ZNF517: variants seen among roughly 807,000 people sequenced by gnomAD.
ZNF517 encodes zinc finger protein 517.
Under a neutral mutation model 12.1 loss-of-function variants are expected in ZNF517, and 12 were observed. The ratio of observed to expected loss-of-function variants is 0.99; its 90% CI spans 0.63 to 1.61. ZNF517 has a LOEUF of 1.61. Ranked by LOEUF, ZNF517 falls within the 40% of genes most tolerant of loss-of-function variation. The pLI, the probability that ZNF517 is intolerant of heterozygous loss-of-function variation, is 0.00. For missense variants in ZNF517, 781 were observed against 693.2 expected (o/e 1.13, Z -1.42); for synonymous variants, 388 against 310.2 (o/e 1.25, Z -2.63).
At position 144,807,558 on chromosome 8, in the gene ZNF517, C is replaced by A; in HGVS notation, c.642C>A (p.Phe214Leu). 1 of 1,600,046 alleles carries A rather than the reference C, an allele frequency of 6.2e-7. No individual in the cohort carries two copies. Among genetic ancestry groups the A allele is most frequent in the South Asian group, 1.1e-5 (1 of 89,214 alleles). The change falls in exon 5 of 5, where the codon TTC becomes TTA. Residue 214 changes from phenylalanine to leucine, a missense_variant. Phe to Leu is a conservative substitution (Grantham distance 22). Coordinates refer to ENST00000359971, the MANE Select transcript of ZNF517 (RefSeq NM_213605.3). ...PFQCTECGKA[F>L]KQSSILLRHQ... ...AGTGCACAGAGTGCGGGAAGGCCTT[C>A]AAGCAAAGCTCCATCCTGCTGCGGC...
chr8:144,801,639 G>A lies in ZNF517; in HGVS notation c.-45-1231G>A, dbSNP rs767513407. On this transcript the variant is annotated intron_variant, in intron 1 of 4. Transcript: ENST00000359971. Reference sequence around the variant, plus strand: ...ACTACAGGTGCCTGCCACCATGCCCGGCTAATTTTTTGTATTTTTAGTGGA... The same window carrying A: ...ACTACAGGTGCCTGCCACCATGCCCAGCTAATTTTTTGTATTTTTAGTGGA... 8.5e-5 allele frequency among the ~76,000 whole-genome samples: 13 copies of A among 152,246 alleles called. 1 individual carries two copies. The highest frequency in any genetic ancestry group is 2.1e-4 in the South Asian group (1 of 4,816).
Position 144,808,497 on chromosome 8 carries a change from G to A in ZNF517, c.*102G>A, listed in dbSNP as rs1020240196. ...CCCCCTGTCCTGAAGGTGAAGCAAA[G>A]TCTAAAGAAAGGGCCAGCTCCCATC... On this transcript the variant is annotated 3_prime_UTR_variant, in exon 5 of 5. Transcript: ENST00000359971. The A allele has an allele frequency of 2.2e-6, 3 of 1,374,302 alleles. No homozygotes were observed. Among genetic ancestry groups the A allele is most frequent in the Non-Finnish European group, 2.8e-6 (3 of 1,064,634 alleles). The allele number at this position is 1,374,302 out of a possible 1,614,324, so 85.1% of individuals were successfully genotyped here. A position where few individuals can be genotyped will look rare whatever the true frequency, so the allele number is the denominator to read the frequency against.
At position 144,808,443 on chromosome 8, in the gene ZNF517, C is replaced by T. The variant is rs1827409048; in HGVS notation, c.*48C>T. 1.4e-6 allele frequency: 2 copies of T among 1,433,538 alleles called. No homozygotes were observed. Among genetic ancestry groups the T allele is most frequent in the South Asian group, 3.1e-5 (2 of 64,082 alleles). 88.8% of individuals were successfully genotyped at this position (1,433,538 alleles called of 1,614,324 possible). On this transcript the variant is annotated 3_prime_UTR_variant, in exon 5 of 5. Transcript: ENST00000359971. ...ATTCACGCTGGAAGCCCACCCAAGC[C>T]GGCGGGGCCCTAGCGCAGAAATTCA...
downstream of ZNF517, among the ~76,000 whole-genome samples, chr8:144,811,614 C>T (rs1413930479): frequency 7.7e-5 from 10 of 129,154 alleles, no homozygotes; most frequent in Admixed American, 3.9e-4. Context: ...GACAGTAAAG[C>T]TCAGCCAGGT....
intron 1 of ZNF517, among the ~76,000 whole-genome samples, chr8:144,801,284 G>A (rs184087053): frequency 1.3e-5 from 2 of 152,216 alleles, no homozygotes; most frequent in East Asian, 3.9e-4. Flanking sequence ...GGAAGAGTGA[G>A]GAGAACAGGG....
chr8:144,808,695 G>C lies in ZNF517; in HGVS notation c.*300G>C, dbSNP rs909930226. On this transcript the variant is annotated 3_prime_UTR_variant, in exon 5 of 5. Transcript: ENST00000359971. ...GGCAGCTATGCTCAGTCCCCAAAGA[G>C]CAGGGCACAGGGGGCGCCACAGACG... is the stretch of plus-strand genomic sequence containing the variant. The C allele has an allele frequency of 1.7e-4, 50 of 298,846 alleles. 3 individuals carry two copies. The allele number at this position is 298,846 out of a possible 1,614,324, so 18.5% of individuals were successfully genotyped here. A position where few individuals can be genotyped will look rare whatever the true frequency, so the allele number is the denominator to read the frequency against.
At position 144,808,703 on chromosome 8, in the gene ZNF517, CAG is replaced by C. The variant is rs1454394216; in HGVS notation, c.*309_*310del. 2 of 277,374 alleles carry C rather than the reference CAG, an allele frequency of 7.2e-6. No individual in the cohort carries two copies. Among genetic ancestry groups the C allele is most frequent in the African/African-American group, 2.2e-5 (1 of 45,486 alleles). The allele number at this position is 277,374 out of a possible 1,614,324, so 17.2% of individuals were successfully genotyped here. ...TGCTCAGTCCCCAAAGAGCAGGGCA[CAG>C]GGGGCGCCACAGACGCATATGCAGC... is the stretch of plus-strand genomic sequence containing the variant. On this transcript the variant is annotated 3_prime_UTR_variant, in exon 5 of 5. Transcript: ENST00000359971.
At position 144,808,016 on chromosome 8, in the gene ZNF517, C is replaced by A; in HGVS notation, c.1100C>A (p.Pro367His). The A allele has an allele frequency of 6.3e-7, 1 of 1,583,848 alleles. No homozygotes were observed. Among genetic ancestry groups the A allele is most frequent in the Non-Finnish European group, 8.6e-7 (1 of 1,165,232 alleles). Residue 367 changes from proline to histidine, a missense_variant, in exon 5 of 5, where the codon CCC becomes CAC. Pro to His is a moderately conservative substitution (Grantham distance 77, BLOSUM62 -2). Transcript: ENST00000359971. The part of the protein sequence containing the change: ...AAQRPQAGDP[P>H]HECPVCGRPF... Reference sequence around the variant, plus strand: ...CAGAGGCCCCAGGCGGGGGACCCGCCCCACGAGTGCCCGGTGTGCGGGAGG... The same window carrying A: ...CAGAGGCCCCAGGCGGGGGACCCGCACCACGAGTGCCCGGTGTGCGGGAGG...
At position 144,807,317 on chromosome 8, in the gene ZNF517, C is replaced by A. The variant is rs771499471; in HGVS notation, c.401C>A (p.Pro134Gln). 6.4e-7 allele frequency: 1 copy of A among 1,552,850 alleles called. No homozygotes were observed. ...WGHPVGGHPA[P>Q]PHPHGGPEDG... ...CACCCTGTGGGGGGGCACCCTGCAC[C>A]ACCCCACCCGCATGGCGGTCCTGAG... The change falls in exon 5 of 5, where the codon CCA becomes CAA. Residue 134 changes from proline to glutamine, a missense_variant. Physicochemically the swap from Pro to Gln is moderately conservative, Grantham distance 76. Coordinates refer to ENST00000359971, the MANE Select transcript of ZNF517 (RefSeq NM_213605.3).
At chr8:144,800,497 T>TA in intron 1 of ZNF517, 1 of 985,202 alleles carries the variant, frequency 1.0e-6, no homozygotes, top group East Asian at 1.1e-4. Flanking sequence ...TGGAGGGTGG[T>TA]ATGTGTTGAG....
At position 144,808,166 on chromosome 8, in the gene ZNF517, T is replaced by A; in HGVS notation, c.1250T>A (p.Ile417Asn). The A allele has an allele frequency of 6.2e-7, 1 of 1,611,208 alleles. No homozygotes were observed. Among genetic ancestry groups the A allele is most frequent in the Non-Finnish European group, 8.5e-7 (1 of 1,178,964 alleles). ...RKSNLTLHQK[I>N]HTKEKPFACT... The stretch of plus-strand genomic sequence containing the variant: ...TCCAACCTCACTCTGCACCAGAAGA[T>A]CCACACCAAGGAGAAGCCCTTCGCG... The change falls in exon 5 of 5, where the codon ATC becomes AAC. Residue 417 changes from isoleucine (I) to asparagine (N), a missense_variant. Coordinates refer to ENST00000359971, the MANE Select transcript of ZNF517 (RefSeq NM_213605.3).
intron 1 of ZNF517, among the ~76,000 whole-genome samples, chr8:144,800,977 G>A (rs570633351): frequency 1.3e-5 from 2 of 152,014 alleles, no homozygotes; most frequent in African/African-American, 2.4e-5. Flanking sequence ...TTACAGGTGC[G>A]TACCAGCACA....
At chr8:144,799,037 C>T (rs903415995) in intron 1 of ZNF517, 100 bp downstream of exon 1, 3 of 152,180 alleles carry the variant, frequency 2.0e-5, no homozygotes, top group Non-Finnish European at 4.4e-5. Context: ...GCGCGGAGCT[C>T]GGCAGGGAGC....
chr8:144,811,304 C>T (rs1443742793), downstream of ZNF517: 3 of 152,522 alleles, frequency 2.0e-5, no homozygotes, highest in African/African-American at 4.8e-5. Context: ...GTTTCTGTCT[C>T]TTTTTGTTCC....
chr8:144,803,014 C>T (rs1372185768), intron 2 of ZNF517, 67 bp downstream of exon 2: 5 of 1,599,566 alleles, frequency 3.1e-6, no homozygotes, highest in Non-Finnish European at 4.3e-6. Context: ...AGCTTTTCAG[C>T]CCTGAGAACC....
At position 144,807,989 on chromosome 8, in the gene ZNF517, CGCAGAGGCCCCAGGCGG is replaced by C. The variant is rs1827356243; in HGVS notation, c.1075_1091del (p.Gln359GlyfsTer159). ...GGGCAGGGCGCCCTGCTCGGAGCTGCGCAGAGGCCCCAGGCGGGGGACCCGCCCCACGAGTGCCCGGT... is the reference window on the plus strand; with the variant it reads ...GGGCAGGGCGCCCTGCTCGGAGCTGCGGGACCCGCCCCACGAGTGCCCGGT... On this transcript the variant is annotated frameshift_variant, in exon 5 of 5. Transcript: ENST00000359971. LOFTEE classifies it low-confidence loss of function (END_TRUNC). 2 of 1,544,096 alleles carry C rather than the reference CGCAGAGGCCCCAGGCGG, an allele frequency of 1.3e-6. 1 individual carries two copies. Among genetic ancestry groups the C allele is most frequent in the Admixed American group, 3.9e-5 (2 of 51,252 alleles).
In ZNF517 at chr8:144,807,950, A is replaced by G; in HGVS notation, c.1034A>G (p.Gln345Arg). 1 of 1,506,332 alleles carries G rather than the reference A, an allele frequency of 6.6e-7. No homozygotes were observed. Among genetic ancestry groups the G allele is most frequent in the Non-Finnish European group, 8.8e-7 (1 of 1,130,508 alleles). 93.3% of individuals were successfully genotyped at this position (1,506,332 alleles called of 1,614,324 possible). Residue 345 changes from glutamine to arginine, a missense_variant, in exon 5 of 5, where the codon CAG (glutamine) becomes CGG (arginine). Physicochemically the swap from Gln to Arg is conservative, Grantham distance 43. Coordinates refer to ENST00000359971, the MANE Select transcript of ZNF517 (RefSeq NM_213605.3). ...CGGCTGCACGCGCAGGAGGGTGCCC[A>G]GGACGGCGGCGTGGGGCAGGGCGCC... is the stretch of plus-strand genomic sequence containing the variant. ...HHRLHAQEGA[Q>R]DGGVGQGALL...
In ZNF517 at chr8:144,807,936, G is replaced by T. The variant is rs1405230889; in HGVS notation, c.1020G>T (p.Ala340=). The change falls in exon 5 of 5, where the codon GCG becomes GCT. Residue 340 remains alanine (A), a synonymous_variant. Transcript: ENST00000359971. ...TCCTGAAGCACCACCGGCTGCACGC[G>T]CAGGAGGGTGCCCAGGACGGCGGCG... ...SSLLKHHRLH[A]QEGAQDGGVG... is the part of the protein sequence containing the mutation. 31 of 1,507,960 alleles carry T rather than the reference G, an allele frequency of 2.1e-5. 1 individual carries two copies. Among genetic ancestry groups the T allele is most frequent in the Non-Finnish European group, 2.7e-5 (31 of 1,131,988 alleles). The allele number at this position is 1,507,960 out of a possible 1,614,324, so 93.4% of individuals were successfully genotyped here. A position where few individuals can be genotyped will look rare whatever the true frequency, so the allele number is the denominator to read the frequency against.
Position 144,804,133 on chromosome 8 carries a change from G to C in ZNF517, c.169G>C (p.Val57Leu), listed in dbSNP as rs765378865. Reference protein sequence around the residue: ...YGNLASLGFLVAKPALISLLE... With the variant: ...YGNLASLGFLLAKPALISLLE... ...TCCTTCTCTGAGCTTAGGCTTTCTTGTTGCCAAACCAGCACTGATCTCCCT... is the reference window on the plus strand; with the variant it reads ...TCCTTCTCTGAGCTTAGGCTTTCTTCTTGCCAAACCAGCACTGATCTCCCT... The change falls in exon 4 of 5, where the codon GTT becomes CTT. Residue 57 changes from valine to leucine, a missense_variant. By Grantham distance (32) the Val-to-Leu change is conservative. Coordinates refer to ENST00000359971, the MANE Select transcript of ZNF517 (RefSeq NM_213605.3). 1 of 1,614,034 alleles carries C rather than the reference G, an allele frequency of 6.2e-7. No individual in the cohort carries two copies. The highest frequency in any genetic ancestry group is 8.5e-7 in the Non-Finnish European group (1 of 1,179,944).
Sources: gnomAD v4.1 joint callset for allele counts (sites outside exome capture counted in the v4.1 genomes callset) on GRCh38, gnomAD v4.1.1 for gene constraint, MANE v1.5 for transcripts, NCBI Gene and HGNC (gene_info 2026-07-23, HGNC 2026-07-21) for gene names.